The following DNAH5 variants were observed in gnomAD, a reference collection of about 807,000 sequenced individuals.
DNAH5 encodes the protein dynein axonemal heavy chain 5, also known as axonemal beta dynein heavy chain 5.
Under a neutral mutation model 518.2 loss-of-function variants are expected in DNAH5, and 372 were observed. The ratio of observed to expected loss-of-function variants is 0.72; its 90% CI spans 0.66 to 0.78. DNAH5 has a LOEUF of 0.78. Ranked by LOEUF, DNAH5 falls within the 30% of genes least tolerant of loss-of-function variation. DNAH5 has a pLI of 0.00. For synonymous variants in DNAH5, 2,039 were observed against 2,025.9 expected (o/e 1.01, Z -0.17); for missense variants, 5,523 against 5,687.0 (o/e 0.97, Z 0.93).
chr5:13,939,246 G>T (rs573148988), intron 1 of DNAH5, among the ~76,000 whole-genome samples: 2 of 152,208 alleles, frequency 1.3e-5, no homozygotes, highest in African/African-American at 4.8e-5. Flanking sequence ...TCACTCTCAC[G>T]TAATTAAGGG....
chr5:13,921,475 T>TCACTCC (rs1554103993), intron 5 of DNAH5, among the ~76,000 whole-genome samples: 1,010 of 73,746 alleles, frequency 0.014, 25 homozygotes, highest in East Asian at 0.05. Flanking sequence ...TATCTCTCTC[T>TCACTCC]CACACACACA....
Position 13,922,049 on chromosome 5 carries a change from T to C in DNAH5, c.660+58A>G, listed in dbSNP as rs1472877171. ...ATCTAAGAGAAGCATTACACACTTA[T>C]GTACTGTGCTTGTTGACCACCTGAT... On this transcript the variant is annotated intron_variant, in intron 5 of 78. Coordinates refer to ENST00000265104, the MANE Select transcript of DNAH5 (RefSeq NM_001369.3). 7 of 1,543,494 alleles carry C rather than the reference T, an allele frequency of 4.5e-6. No individual in the cohort carries two copies. The Admixed American group carries it at 5.1e-5, about 11-fold the overall frequency.
intron 55 of DNAH5, among the ~76,000 whole-genome samples, chr5:13,772,789 GA>G (rs1255339093): frequency 2.0e-5 from 3 of 152,070 alleles, no homozygotes; most frequent in Admixed American, 2.0e-4. Context: ...TATTTTATTG[GA>G]AATATTTCTT....
chr5:13,788,731 C>T lies in DNAH5; in HGVS notation c.8632G>A (p.Ala2878Thr). The stretch of plus-strand genomic sequence containing the variant: ...AATAGTTTACCTGCAGCTTCAGGTG[C>T]ATCTCTCAAGAAATCCACAAAATAT... ...DTYFVDFLRDAPEAAGETSEE... is the reference protein window; with the variant it reads ...DTYFVDFLRDTPEAAGETSEE... Residue 2878 changes from alanine (A) to threonine (T), a missense_variant, in exon 51 of 79, where the codon GCA (alanine) becomes ACA (threonine). Physicochemically the swap from Ala to Thr is moderately conservative, Grantham distance 58. Around this residue, in one of 3 missense-constraint regions of DNAH5, gnomAD observed 5,121 missense variants for 5,223.3 expected, o/e 0.98. Transcript: ENST00000265104. The T allele has an allele frequency of 6.2e-7, 1 of 1,613,892 alleles. No individual in the cohort carries two copies. The highest frequency in any genetic ancestry group is 8.5e-7 in the Non-Finnish European group (1 of 1,179,830).
At position 13,844,913 on chromosome 5, in the gene DNAH5, G is replaced by A. The variant is rs1018336173; in HGVS notation, c.5195C>T (p.Ala1732Val). 9.9e-6 allele frequency: 16 copies of A among 1,614,140 alleles called. No individual in the cohort carries two copies. Among genetic ancestry groups the A allele is most frequent in the Admixed American group, 5.0e-5 (3 of 60,024 alleles). Residue 1732 changes from alanine (A) to valine (V), a missense_variant, in exon 32 of 79, where the codon GCG becomes GTG. Ala to Val is a moderately conservative substitution (Grantham distance 64). Around this residue, in one of 3 missense-constraint regions of DNAH5, gnomAD observed 5,121 missense variants for 5,223.3 expected, o/e 0.98. Transcript: ENST00000265104. ...GGCCTGTATAGTGTGGGAGTCCGAC[G>A]CCTGCCCCAGAATCTCTAGAAGGGC... ...DPALLEILGQ[A>V]SDSHTIQAHL...
chr5:13,843,262 G>A (rs550957785), intron 32 of DNAH5, among the ~76,000 whole-genome samples: 2 of 151,820 alleles, frequency 1.3e-5, no homozygotes, highest in African/African-American at 4.8e-5. Flanking sequence ...CTTTCATTCC[G>A]CCTCCTACAC....
intron 63 of DNAH5, among the ~76,000 whole-genome samples, 188 bp from the exon 64 acceptor site, chr5:13,752,477 C>A (rs1271259990): frequency 6.6e-6 from 1 of 152,178 alleles, no homozygotes; most frequent in Non-Finnish European, 1.5e-5. Flanking sequence ...AAATTCCACA[C>A]CTGACCCCTA....
At chr5:13,849,056 G>C (rs1215099031) in intron 31 of DNAH5, among the ~76,000 whole-genome samples, 1 of 152,224 alleles carries the variant, frequency 6.6e-6, no homozygotes, top group East Asian at 1.9e-4. Context: ...GTTTTGTTTA[G>C]ACTTTTTTTT....
intron 69 of DNAH5, among the ~76,000 whole-genome samples, chr5:13,729,017 A>G (rs1263131441): frequency 6.6e-6 from 1 of 152,172 alleles, no homozygotes; most frequent in Admixed American, 6.5e-5. Context: ...AAGAAGAAGA[A>G]GAGGGAGAGA....
chr5:13,757,098 G>A (rs528949684), intron 61 of DNAH5, among the ~76,000 whole-genome samples: 69 of 152,222 alleles, frequency 4.5e-4, no homozygotes, highest in African/African-American at 1.6e-3. Flanking sequence ...TCTTTATCCA[G>A]TCTACCACTG....
In DNAH5 at chr5:13,793,125, TGG is replaced by T. The variant is rs1312942375; in HGVS notation, c.8224+388_8224+389del. Reference sequence around the variant, plus strand: ...TATTTCTTTGGCCAAAATCATTCTATGGGTTGGTTAAAGTATAAGCTACATAA... The same window carrying T: ...TATTTCTTTGGCCAAAATCATTCTATGTTGGTTAAAGTATAAGCTACATAA... On this transcript the variant is annotated intron_variant, in intron 49 of 78. Coordinates refer to ENST00000265104, the MANE Select transcript of DNAH5 (RefSeq NM_001369.3). Among the ~76,000 whole-genome samples the T allele has an allele frequency of 3.3e-5, 5 of 152,316 alleles. No homozygotes were observed. The East Asian group carries it at 7.7e-4, about 23-fold the overall frequency.
chr5:13,894,828 T>A lies in DNAH5; in HGVS notation c.2260-7A>T, dbSNP rs530639771. 1.2e-6 allele frequency: 2 copies of A among 1,612,826 alleles called. No homozygotes were observed. Among genetic ancestry groups the A allele is most frequent in the African/African-American group, 2.7e-5 (2 of 75,052 alleles). Reference sequence around the variant, plus strand: ...GATATTCAGCTAGCATCATCTGCAATGAAATTGGGGTTAAGTAATCAATTA... The same window carrying A: ...GATATTCAGCTAGCATCATCTGCAAAGAAATTGGGGTTAAGTAATCAATTA... On this transcript the variant is annotated splice_region_variant and splice_polypyrimidine_tract_variant and intron_variant, in intron 15 of 78. Transcript: ENST00000265104.
intron 31 of DNAH5, among the ~76,000 whole-genome samples, chr5:13,846,508 C>G (rs925410435): frequency 6.6e-6 from 1 of 152,126 alleles, no homozygotes; most frequent in African/African-American, 2.4e-5. Context: ...GTTCACGATT[C>G]GTCAACTGCT....
At chr5:13,697,724 G>A (rs1349026999) in intron 78 of DNAH5, among the ~76,000 whole-genome samples, 1 of 152,150 alleles carries the variant, frequency 6.6e-6, no homozygotes, top group Non-Finnish European at 1.5e-5. Flanking sequence ...GACTGGGTCT[G>A]TCTTCTAAAT....
At chr5:13,729,395 T>C (rs1453906365) in intron 69 of DNAH5, 44 bp downstream of exon 69, 1 of 1,612,408 alleles carries the variant, frequency 6.2e-7, no homozygotes, top group Admixed American at 1.7e-5. Flanking sequence ...ATCAGAAAGC[T>C]GCTCAACATG....
At chr5:13,836,156 G>C (rs778321236) in intron 35 of DNAH5, among the ~76,000 whole-genome samples, 17 of 152,162 alleles carry the variant, frequency 1.1e-4, no homozygotes, top group Non-Finnish European at 2.2e-4. Context: ...TGATAAAATG[G>C]AATGGCCAAC....
chr5:13,809,588 C>CATT (rs1309989845), intron 45 of DNAH5, among the ~76,000 whole-genome samples: 4 of 152,006 alleles, frequency 2.6e-5, no homozygotes, highest in Non-Finnish European at 4.4e-5. Context: ...ATAGTTAATA[C>CATT]ATTATTATAC....
chr5:13,834,546 G>A (rs6875382), intron 35 of DNAH5, among the ~76,000 whole-genome samples: 62,943 of 152,040 alleles, frequency 0.41, 13,457 homozygotes, highest in East Asian at 0.6. Context: ...AACAATTCTA[G>A]CAAACAAATC....
chr5:13,842,433 A>AGAGAGAGAGAGAGAGAGAGAGAG (rs1561407131), intron 32 of DNAH5, among the ~76,000 whole-genome samples: 3 of 61,932 alleles, frequency 4.8e-5, no homozygotes, highest in South Asian at 5.1e-4. Context: ...AAAAGAAAGA[A>AGAGAGAGAGAGAGAGAGAGAGAG]AGAAAGAAAG....
Sources: allele counts gnomAD v4.1 joint callset (sites outside exome capture counted in the v4.1 genomes callset), GRCh38; gene constraint gnomAD v4.1.1; regional missense constraint gnomAD v4.1.1; transcripts MANE v1.5; gene names NCBI Gene and HGNC (gene_info 2026-07-23, HGNC 2026-07-21).